GREB1L: variants seen among roughly 807,000 people sequenced by gnomAD.
GREB1L encodes GREB1-like protein.
GREB1L carries 17 observed loss-of-function variants against 200.8 expected under a neutral mutation model. That is an observed-to-expected ratio of 0.08 (90% CI 0.06 to 0.13). GREB1L has a LOEUF of 0.13. Ranked by LOEUF, GREB1L falls within the 10% of genes least tolerant of loss-of-function variation. GREB1L has a pLI of 1.00. For synonymous variants in GREB1L, 789 were observed against 893.0 expected (o/e 0.88, Z 2.08); for missense variants, 1,657 against 2,367.7 (o/e 0.70, Z 6.23).
At chr18:21,267,559 C>T (rs1348281544) in intron 1 of GREB1L, among the ~76,000 whole-genome samples, 2 of 152,126 alleles carry the variant, frequency 1.3e-5, no homozygotes, top group Non-Finnish European at 2.9e-5. Flanking sequence ...AGAGTAGGAA[C>T]AATGTCTTCA....
chr18:21,274,801 C>A (rs556898824), intron 1 of GREB1L, among the ~76,000 whole-genome samples: 76 of 152,036 alleles, frequency 5.0e-4, no homozygotes, highest in Non-Finnish European at 8.7e-4. Context: ...GTGGGAGGAT[C>A]GCTTAAGCCC....
chr18:21,264,673 C>A (rs148194232), intron 1 of GREB1L, among the ~76,000 whole-genome samples: 6 of 150,304 alleles, frequency 4.0e-5, no homozygotes, highest in South Asian at 2.2e-4. Flanking sequence ...CCCCCTCCCC[C>A]CCTCCTGGTC....
In GREB1L at chr18:21,508,205, A is replaced by G; in HGVS notation, c.4456A>G (p.Lys1486Glu). ...VQLYFIIPKS[K>E]ESHFVFSKQG... ...GCTCTATTTCATCATTCCCAAATCC[A>G]AAGAGAGTCATTTTGTCTTCAGCAA... Residue 1486 changes from lysine (K) to glutamate (E), a missense_variant, in exon 26 of 33, where the codon AAA becomes GAA. Lys to Glu is a moderately conservative substitution (Grantham distance 56, BLOSUM62 1). This residue lies in a region of GREB1L where 512 missense variants were observed against 668.3 expected (regional missense o/e 0.77). Coordinates refer to ENST00000424526, the MANE Select transcript of GREB1L (RefSeq NM_001142966.3). The G allele has an allele frequency of 6.4e-7, 1 of 1,551,712 alleles. No homozygotes were observed. Among genetic ancestry groups the G allele is most frequent in the South Asian group, 1.2e-5 (1 of 84,052 alleles).
intron 1 of GREB1L, among the ~76,000 whole-genome samples, chr18:21,278,284 G>A (rs1253229602): frequency 6.6e-6 from 1 of 151,388 alleles, no homozygotes; most frequent in Non-Finnish European, 1.5e-5. Flanking sequence ...GGAGGGTGAG[G>A]CAGGAGAATC....
At chr18:21,325,167 C>T (rs2039003975) in intron 1 of GREB1L, among the ~76,000 whole-genome samples, 1 of 152,068 alleles carries the variant, frequency 6.6e-6, no homozygotes, top group South Asian at 2.1e-4. Flanking sequence ...AGAGAAATCC[C>T]AAGTCTTATC....
intron 7 of GREB1L, among the ~76,000 whole-genome samples, chr18:21,438,010 T>C (rs1470510392): frequency 2.0e-5 from 3 of 152,128 alleles, no homozygotes; most frequent in African/African-American, 7.2e-5. Flanking sequence ...ATGTTTATTA[T>C]AGGCTCATGC....
rs2039467201 is a variant in GREB1L, at chr18:21,353,782, A to T, written c.-119-12245A>T. 1.3e-5 allele frequency among the ~76,000 whole-genome samples: 2 copies of T among 151,984 alleles called. 1 individual carries two copies. The highest frequency in any genetic ancestry group is 4.1e-4 in the South Asian group (2 of 4,820). The stretch of plus-strand genomic sequence containing the variant: ...TTCAAATTTATTTTTAGTGTCTCAT[A>T]TAAGTTCTTTCTTTTCTTTTTGAGG... On this transcript the variant is annotated intron_variant, in intron 1 of 32. Transcript: ENST00000424526.
intron 31 of GREB1L, 58 bp downstream of exon 31, chr18:21,518,292 T>G: frequency 6.8e-7 from 1 of 1,479,178 alleles, no homozygotes; most frequent in Non-Finnish European, 9.1e-7. Context: ...CTTTCTCATT[T>G]TAGCTGTTTA....
intron 4 of GREB1L, among the ~76,000 whole-genome samples, chr18:21,388,985 C>T (rs934143897): frequency 6.6e-6 from 1 of 152,022 alleles, no homozygotes; most frequent in Non-Finnish European, 1.5e-5. Flanking sequence ...TGACCTTGGT[C>T]ACCTGGCTGA....
intron 2 of GREB1L, among the ~76,000 whole-genome samples, chr18:21,374,097 G>A (rs1191015736): frequency 2.6e-5 from 4 of 151,904 alleles, no homozygotes; most frequent in African/African-American, 4.8e-5. Context: ...CACCTCTCAG[G>A]CTCAAACAAT....
chr18:21,323,123 A>G (rs1439005866), intron 1 of GREB1L, among the ~76,000 whole-genome samples: 2 of 152,104 alleles, frequency 1.3e-5, no homozygotes, highest in Non-Finnish European at 2.9e-5. Context: ...CACCTCTACT[A>G]GAAATATTTT....
chr18:21,299,635 G>C (rs2038587168), intron 1 of GREB1L, among the ~76,000 whole-genome samples: 1 of 151,788 alleles, frequency 6.6e-6, no homozygotes, highest in Non-Finnish European at 1.5e-5. Flanking sequence ...TAGCCATCTG[G>C]ATGTGACCCA....
intron 19 of GREB1L, among the ~76,000 whole-genome samples, chr18:21,495,193 A>G (rs184192361): frequency 8.5e-5 from 13 of 152,310 alleles, no homozygotes; most frequent in African/African-American, 2.9e-4. Flanking sequence ...GAGTGGTTCA[A>G]TGTTTTCATT....
intron 21 of GREB1L, 68 bp downstream of exon 21, chr18:21,496,766 G>A: frequency 6.6e-7 from 1 of 1,507,372 alleles, no homozygotes; most frequent in Middle Eastern, 2.4e-4. Flanking sequence ...GAATTTGGAA[G>A]GCAGAGGCAT....
chr18:21,269,288 C>A (rs1598617942), intron 1 of GREB1L, among the ~76,000 whole-genome samples: 1 of 152,068 alleles, frequency 6.6e-6, no homozygotes, highest in East Asian at 1.9e-4. Context: ...AGTATAATCA[C>A]CTATTCATAA....
At chr18:21,297,001 A>G (rs1003119292) in intron 1 of GREB1L, among the ~76,000 whole-genome samples, 9 of 152,250 alleles carry the variant, frequency 5.9e-5, no homozygotes, top group African/African-American at 1.7e-4. Flanking sequence ...TGAGTTTTAC[A>G]CATGATTTTA....
intron 1 of GREB1L, among the ~76,000 whole-genome samples, chr18:21,282,110 G>A (rs565388296): frequency 5.9e-5 from 9 of 151,866 alleles, no homozygotes; most frequent in Non-Finnish European, 7.4e-5. Flanking sequence ...CCACATTTAC[G>A]AAAAATTTAA....
Position 21,523,031 on chromosome 18 carries a change from G to C in GREB1L, c.*210G>C. 2 of 491,840 alleles carry C rather than the reference G, an allele frequency of 4.1e-6. No homozygotes were observed. Among genetic ancestry groups the C allele is most frequent in the Non-Finnish European group, 7.1e-6 (2 of 280,492 alleles). 30.5% of individuals were successfully genotyped at this position (491,840 alleles called of 1,614,324 possible). ...CCAATTACAGGACCCTTAAATTCAG[G>C]TAAACTCTATCCTAGGCAGTTATGC... is the stretch of plus-strand genomic sequence containing the variant. On this transcript the variant is annotated 3_prime_UTR_variant, in exon 33 of 33. Coordinates refer to ENST00000424526, the MANE Select transcript of GREB1L (RefSeq NM_001142966.3).
chr18:21,428,672 C>T (rs1407185768), intron 7 of GREB1L, among the ~76,000 whole-genome samples: 1 of 145,622 alleles, frequency 6.9e-6, no homozygotes, highest in Admixed American at 6.9e-5. Flanking sequence ...CTGTTGTCGG[C>T]CCGGGCTGGA....
Sources: gnomAD v4.1 joint callset for allele counts (sites outside exome capture counted in the v4.1 genomes callset) on GRCh38, gnomAD v4.1.1 for gene constraint, gnomAD v4.1.1 regional missense constraint, MANE v1.5 for transcripts, NCBI Gene and HGNC (gene_info 2026-07-23, HGNC 2026-07-21) for gene names.